Variants in GLRA3 observed in about 807,000 individuals in gnomAD.
GLRA3 encodes the protein glycine receptor subunit alpha-3.
Under a neutral mutation model 60.4 loss-of-function variants are expected in GLRA3, and 44 were observed. The ratio of observed to expected loss-of-function variants is 0.73; its 90% CI spans 0.57 to 0.94. GLRA3 has a LOEUF of 0.94. Among genes scored for constraint, GLRA3 ranks in the 40% least tolerant of loss-of-function variants. GLRA3 has a pLI of 0.00. For missense variants in GLRA3, 508 were observed against 564.6 expected (o/e 0.90, Z 1.02); for synonymous variants, 223 against 192.9 (o/e 1.16, Z -1.29).
chr4:174,720,879 A>G (rs904507259), intron 4 of GLRA3, among the ~76,000 whole-genome samples: 8 of 152,212 alleles, frequency 5.3e-5, no homozygotes, highest in Non-Finnish European at 4.4e-5. Flanking sequence ...CAACTTAAGT[A>G]TATGAATGTG....
intron 1 of GLRA3, among the ~76,000 whole-genome samples, chr4:174,798,954 A>T (rs1579627285): frequency 6.6e-6 from 1 of 152,052 alleles, no homozygotes; most frequent in Non-Finnish European, 1.5e-5. Flanking sequence ...TTTTTAAAAC[A>T]CCTCTGGAGA....
At position 174,639,103 on chromosome 4, in the gene GLRA3, T is replaced by C. The variant is rs939198379; in HGVS notation, c.*4683A>G. Reference sequence around the variant, plus strand: ...AAGGTTTTTGACAGTTATTTAGCTGTTCTTCAAAAACGGTTCAAATAGTGT... The same window carrying C: ...AAGGTTTTTGACAGTTATTTAGCTGCTCTTCAAAAACGGTTCAAATAGTGT... On this transcript the variant is annotated 3_prime_UTR_variant, in exon 10 of 10. Coordinates refer to ENST00000274093, the MANE Select transcript of GLRA3 (RefSeq NM_006529.4). 2 of 152,202 alleles carry C rather than the reference T, an allele frequency of 1.3e-5. No individual in the cohort carries two copies. Among genetic ancestry groups the C allele is most frequent in the African/African-American group, 2.4e-5 (1 of 41,462 alleles). The allele number at this position is 152,202 out of a possible 1,614,324, so 9.4% of individuals were successfully genotyped here.
intron 5 of GLRA3, among the ~76,000 whole-genome samples, chr4:174,694,192 T>C (rs926472361): frequency 2.6e-5 from 4 of 152,060 alleles, no homozygotes; most frequent in Non-Finnish European, 4.4e-5. Context: ...GTCAGAAAAG[T>C]AAAAAACATA....
chr4:174,690,964 T>C lies in GLRA3; in HGVS notation c.575-8025A>G, dbSNP rs114057253. The stretch of plus-strand genomic sequence containing the variant: ...TTCAAGTCTTTGCAATTGTGAATAG[T>C]GCTGCTGTAAACATTCGTGTGCATG... On this transcript the variant is annotated intron_variant, in intron 5 of 9. Transcript: ENST00000274093. Among the ~76,000 whole-genome samples, 1,093 of 152,344 alleles carry C rather than the reference T, an allele frequency of 7.2e-3. 13 individuals carry two copies. Among genetic ancestry groups the C allele is most frequent in the African/African-American group, 0.025 (1,042 of 41,594 alleles).
chr4:174,760,665 C>T (rs1214671004), intron 3 of GLRA3, among the ~76,000 whole-genome samples: 1 of 152,122 alleles, frequency 6.6e-6, no homozygotes, highest in Non-Finnish European at 1.5e-5. Context: ...GAATTACCGG[C>T]TCCTGCCACC....
chr4:174,685,078 G>A (rs1379791401), intron 5 of GLRA3, among the ~76,000 whole-genome samples: 1 of 152,170 alleles, frequency 6.6e-6, no homozygotes, highest in Non-Finnish European at 1.5e-5. Flanking sequence ...GCACAGAAGG[G>A]AAATGGTCCC....
In GLRA3 at chr4:174,782,914, A is replaced by G. The variant is rs866532610; in HGVS notation, c.199+5902T>C. On this transcript the variant is annotated intron_variant, in intron 2 of 9. Transcript: ENST00000274093. ...CTGCCCAAGGTAATTTACAGATTCA[A>G]TGCCATCCCCATCAAGCTACCAATG... Among the ~76,000 whole-genome samples the G allele has an allele frequency of 6.7e-3, 1,015 of 152,210 alleles. 13 individuals are homozygous for G. The highest frequency in any genetic ancestry group is 0.023 in the African/African-American group (951 of 41,510).
chr4:174,643,727 C>A lies in GLRA3; in HGVS notation c.*59G>T. The stretch of plus-strand genomic sequence containing the variant: ...ACACGCACACATATACACATACACA[C>A]CTATGGCAGAGACACTTTCTTCTGA... On this transcript the variant is annotated 3_prime_UTR_variant, in exon 10 of 10. Transcript: ENST00000274093. 1 of 1,573,084 alleles carries A rather than the reference C, an allele frequency of 6.4e-7. No homozygotes were observed. Among genetic ancestry groups the A allele is most frequent in the South Asian group, 1.2e-5 (1 of 83,446 alleles).
intron 7 of GLRA3, among the ~76,000 whole-genome samples, chr4:174,666,566 A>C (rs1183568525): frequency 6.6e-6 from 1 of 151,916 alleles, no homozygotes; most frequent in Non-Finnish European, 1.5e-5. Context: ...GGTTATTGCA[A>C]GGACTAGTCT....
At chr4:174,737,154 T>C (rs765190835) in intron 3 of GLRA3, among the ~76,000 whole-genome samples, 3 of 152,210 alleles carry the variant, frequency 2.0e-5, no homozygotes, top group Non-Finnish European at 4.4e-5. Flanking sequence ...AAAAAAGATT[T>C]ATTTTGGGCC....
Position 174,715,542 on chromosome 4 carries a change from C to A in GLRA3, c.520G>T (p.Asp174Tyr). Reference sequence around the variant, plus strand: ...ACATCCATGGGAAAATTCTTGAGATCCATTGGACAGGAAAGTGTTAATGTT... The same window carrying A: ...ACATCCATGGGAAAATTCTTGAGATACATTGGACAGGAAAGTGTTAATGTT... ...RLTLTLSCPM[D>Y]LKNFPMDVQT... The change falls in exon 5 of 10, where the codon GAT becomes TAT. Residue 174 changes from aspartate (D) to tyrosine (Y), a missense_variant. By Grantham distance (160) the Asp-to-Tyr change is radical. Around this residue, in one of 3 missense-constraint regions of GLRA3, gnomAD observed 329 missense variants for 349.3 expected, o/e 0.94. Transcript: ENST00000274093. 6.5e-7 allele frequency: 1 copy of A among 1,546,694 alleles called. No individual in the cohort carries two copies. Among genetic ancestry groups the A allele is most frequent in the Non-Finnish European group, 8.9e-7 (1 of 1,123,168 alleles).
chr4:174,773,841 T>C (rs1738488502), intron 2 of GLRA3, among the ~76,000 whole-genome samples: 1 of 152,156 alleles, frequency 6.6e-6, no homozygotes. Flanking sequence ...GTTTGGGCAG[T>C]GCAAAATAGG....
At chr4:174,746,561 G>C (rs1737258442) in intron 3 of GLRA3, among the ~76,000 whole-genome samples, 1 of 152,104 alleles carries the variant, frequency 6.6e-6, no homozygotes, top group Admixed American at 6.6e-5. Context: ...CAATTAGATA[G>C]AAGAAATAAA....
intron 4 of GLRA3, among the ~76,000 whole-genome samples, chr4:174,726,331 C>T (rs72708208): frequency 1.8e-3 from 268 of 152,282 alleles, no homozygotes; most frequent in South Asian, 3.5e-3. Context: ...CTGACACTAT[C>T]TTGAGTTAGG....
At chr4:174,657,655 G>A (rs1474245709) in intron 8 of GLRA3, among the ~76,000 whole-genome samples, 2 of 151,958 alleles carry the variant, frequency 1.3e-5, no homozygotes, top group African/African-American at 2.4e-5. Flanking sequence ...GCGGTGGAGA[G>A]GGAGAGAGAA....
chr4:174,788,762 C>T lies in GLRA3; in HGVS notation c.199+54G>A, dbSNP rs1739217726. Reference sequence around the variant, plus strand: ...CTGGTGGAATTAATTTAAAACTGTACCTTGTTGAAGTATATTTAAAACACA... The same window carrying T: ...CTGGTGGAATTAATTTAAAACTGTATCTTGTTGAAGTATATTTAAAACACA... On this transcript the variant is annotated intron_variant, in intron 2 of 9. Transcript: ENST00000274093. 8.3e-6 allele frequency: 10 copies of T among 1,205,768 alleles called. 1 individual carries two copies. The highest frequency in any genetic ancestry group is 1.1e-5 in the Non-Finnish European group (10 of 870,866). The allele number at this position is 1,205,768 out of a possible 1,614,324, so 74.7% of individuals were successfully genotyped here. A position where few individuals can be genotyped will look rare whatever the true frequency, so the allele number is the denominator to read the frequency against.
chr4:174,708,601 CTT>C (rs200207515), intron 5 of GLRA3, among the ~76,000 whole-genome samples: 30 of 133,006 alleles, frequency 2.3e-4, no homozygotes, highest in Admixed American at 7.5e-4. Flanking sequence ...AACTTTTACT[CTT>C]TTTTTTTTTT....
At chr4:174,698,999 CTT>C (rs35453287) in intron 5 of GLRA3, among the ~76,000 whole-genome samples, 58 of 143,748 alleles carry the variant, frequency 4.0e-4, no homozygotes, top group East Asian at 6.2e-4. Flanking sequence ...CTTATAATTA[CTT>C]TTTTTTTTTT....
intron 5 of GLRA3, 72 bp from the exon 6 acceptor site, chr4:174,683,011 A>T (rs1270094579): frequency 9.2e-6 from 11 of 1,201,802 alleles, no homozygotes; most frequent in African/African-American, 6.0e-5. Flanking sequence ...AAATTACTTT[A>T]TAGTCACATA....
Sources: gnomAD v4.1 joint callset for allele counts (sites outside exome capture counted in the v4.1 genomes callset) on GRCh38, gnomAD v4.1.1 for gene constraint, gnomAD v4.1.1 regional missense constraint, MANE v1.5 for transcripts, NCBI Gene and HGNC (gene_info 2026-07-23, HGNC 2026-07-21) for gene names.